ATP1A3: variants seen among roughly 807,000 people sequenced by gnomAD.
ATP1A3 encodes sodium/potassium-transporting ATPase subunit alpha-3.
ATP1A3 carries 12 observed loss-of-function variants against 108.8 expected under a neutral mutation model. The ratio of observed to expected loss-of-function variants is 0.11; its 90% CI spans 0.07 to 0.18. The LOEUF (loss-of-function observed/expected upper bound fraction) is 0.18, where lower values mean the gene tolerates loss of function less well. Among genes scored for constraint, ATP1A3 ranks in the 10% least tolerant of loss-of-function variants. The probability of loss-of-function intolerance (pLI) is 1.00; values close to 1 mark genes in which losing one functional copy is unlikely to be tolerated. For synonymous variants in ATP1A3, 539 were observed against 564.5 expected (o/e 0.95, Z 0.64); for missense variants, 498 against 1,387.7 (o/e 0.36, Z 10.19).
chr19:41,985,247 C>A lies in ATP1A3; in HGVS notation c.724+59G>T, dbSNP rs201811650. 160 of 1,613,880 alleles carry A rather than the reference C, an allele frequency of 9.9e-5. No homozygotes were observed. Among genetic ancestry groups the A allele is most frequent in the Non-Finnish European group, 1.3e-4 (152 of 1,179,944 alleles). On this transcript the variant is annotated intron_variant, in intron 7 of 22. Coordinates refer to ENST00000648268, the MANE Select transcript of ATP1A3 (RefSeq NM_152296.5). This position sits in a 1 kb window ranked among gnomAD's most constrained non-coding sequence, Gnocchi z 8.2. ...CTCAGGGAGGTTCTGGAGGCCTGAC[C>A]CCCTGGGACACATCCCTGTGTCTGC...
Position 41,985,074 on chromosome 19 carries a change from C to T in ATP1A3, c.837G>A (p.Glu279=). Residue 279 remains glutamate, a synonymous_variant, in exon 8 of 23, where the codon GAG becomes GAA. Transcript: ENST00000648268. The surrounding 1 kb of genome is among the most constrained non-coding windows in gnomAD (Gnocchi z 8.2). The part of the protein sequence containing the change: ...VGKTPIAIEI[E]HFIQLITGVA... ...CGCCGGTGATGAGCTGGATGAAGTG[C>T]TCAATCTCGATGGCGATGGGCGTCT... is the stretch of plus-strand genomic sequence containing the variant. The T allele has an allele frequency of 6.2e-7, 1 of 1,613,908 alleles. No homozygotes were observed. Among genetic ancestry groups the T allele is most frequent in the South Asian group, 1.1e-5 (1 of 91,000 alleles).
chr19:41,983,715 A>G (rs1555864269), intron 8 of ATP1A3, among the ~76,000 whole-genome samples: 1 of 148,426 alleles, frequency 6.7e-6, no homozygotes, highest in East Asian at 1.9e-4. Context: ...TCAGCCTCCC[A>G]AATAGCTGGA....
chr19:41,967,601 TA>T lies in ATP1A3; in HGVS notation c.2921+60del. 1.9e-6 allele frequency: 3 copies of T among 1,564,842 alleles called. No individual in the cohort carries two copies. In the South Asian group the frequency reaches 3.4e-5, roughly 18 times the overall value. Reference sequence around the variant, plus strand: ...TGGGGCCTGAGGTTCAGGCTGAGTCTAAGGGAAGGCTCCATGGCAGGCGCTG... The same window carrying T: ...TGGGGCCTGAGGTTCAGGCTGAGTCTAGGGAAGGCTCCATGGCAGGCGCTG... On this transcript the variant is annotated intron_variant, in intron 21 of 22. Transcript: ENST00000648268. The surrounding 1 kb of genome is among the most constrained non-coding windows in gnomAD (Gnocchi z 4.2).
intron 8 of ATP1A3, 140 bp downstream of exon 8, chr19:41,984,778 C>G: frequency 9.6e-7 from 1 of 1,036,474 alleles, no homozygotes. Context: ...CCAGCCCCTC[C>G]TCCCCCAGAC....
intron 1 of ATP1A3, among the ~76,000 whole-genome samples, chr19:41,989,734 C>T (rs1398614018): frequency 6.6e-6 from 1 of 152,004 alleles, no homozygotes; most frequent in African/African-American, 2.4e-5. Context: ...TGCTTTGTTT[C>T]ATCATCTCTC....
At position 41,970,526 on chromosome 19, in the gene ATP1A3, G is replaced by A. The variant is rs2075092282; in HGVS notation, c.2280C>T (p.Asp760=). Residue 760 remains aspartate, a synonymous_variant, in exon 17 of 23, where the codon GAC becomes GAT. Transcript: ENST00000648268. ...TGVEEGRLIF[D]NLKKSIAYTL... ...TGTAGGCAATGGACTTCTTTAGGTT[G>A]TCGAAGATCAGGCGGCCTGTGGCAC... is the stretch of plus-strand genomic sequence containing the variant. 1.9e-6 allele frequency: 3 copies of A among 1,613,908 alleles called. No individual in the cohort carries two copies. The highest frequency in any genetic ancestry group is 2.5e-6 in the Non-Finnish European group (3 of 1,179,922).
intron 1 of ATP1A3, 125 bp downstream of exon 1, chr19:41,993,946 C>T: frequency 6.6e-7 from 1 of 1,526,530 alleles, no homozygotes; most frequent in Non-Finnish European, 8.9e-7. Context: ...TCAGCCGGCT[C>T]CCCGGGTCTC....
In ATP1A3 at chr19:41,974,329, G is replaced by A. The variant is rs144645231; in HGVS notation, c.2263+1300C>T. 6.8e-4 allele frequency among the ~76,000 whole-genome samples: 104 copies of A among 152,284 alleles called. No individual in the cohort carries two copies. In the Middle Eastern group the frequency reaches 0.014, roughly 20 times the overall value. ...GTGATGGTGCATACCTGTAGTCTCA[G>A]CTACTTAGGGGCCTGAGGCAGGAGG... On this transcript the variant is annotated intron_variant, in intron 16 of 22. Coordinates refer to ENST00000648268, the MANE Select transcript of ATP1A3 (RefSeq NM_152296.5).
chr19:41,977,899 G>A (rs782026217), intron 14 of ATP1A3, 37 bp downstream of exon 14: 38 of 1,612,498 alleles, frequency 2.4e-5, no homozygotes, highest in Admixed American at 2.0e-4. Context: ...ACACCCTAGA[G>A]GGATGTCCAG....
chr19:41,988,847 C>T lies in ATP1A3; in HGVS notation c.7-285G>A, dbSNP rs1419788082. Among the ~76,000 whole-genome samples the T allele has an allele frequency of 3.9e-5, 6 of 152,138 alleles. No homozygotes were observed. Among genetic ancestry groups the T allele is most frequent in the Non-Finnish European group, 5.9e-5 (4 of 68,024 alleles). ...CTGTGTGTCTCTGAGTCTCTGTCCC[C>T]GAAGGTCCCTGTCTGGCTTCTGCCT... On this transcript the variant is annotated intron_variant, in intron 1 of 22. Transcript: ENST00000648268. The surrounding 1 kb of genome is among the most constrained non-coding windows in gnomAD (Gnocchi z 5.3).
rs1344534751 is a variant in ATP1A3, at chr19:41,981,147, C to T, written c.1437+355G>A. On this transcript the variant is annotated intron_variant, in intron 11 of 22. Transcript: ENST00000648268. This position sits in a 1 kb window ranked among gnomAD's most constrained non-coding sequence, Gnocchi z 5.0. ...AAATCGCTGAGACCACAGGCACATACCACCACACCTGGCTAATTAAAAAAA... is the reference window on the plus strand; with the variant it reads ...AAATCGCTGAGACCACAGGCACATATCACCACACCTGGCTAATTAAAAAAA... Among the ~76,000 whole-genome samples the T allele has an allele frequency of 6.6e-6, 1 of 151,576 alleles. No homozygotes were observed. Among genetic ancestry groups the T allele is most frequent in the Non-Finnish European group, 1.5e-5 (1 of 67,934 alleles).
At chr19:41,980,803 CT>C (rs2145970071) in intron 11 of ATP1A3, among the ~76,000 whole-genome samples, 1 of 151,908 alleles carries the variant, frequency 6.6e-6, no homozygotes, top group South Asian at 2.1e-4. Flanking sequence ...CCCAGCTATT[CT>C]GGAGGCTGAG....
In ATP1A3 at chr19:41,970,319, G is replaced by A. The variant is rs1555859544; in HGVS notation, c.2419-11C>T. Reference sequence around the variant, plus strand: ...TGAGATGGCAGGGACCTAGGCGGAGGAGGCCGGGTGAGCCGGAGAGGGGAG... The same window carrying A: ...TGAGATGGCAGGGACCTAGGCGGAGAAGGCCGGGTGAGCCGGAGAGGGGAG... On this transcript the variant is annotated splice_polypyrimidine_tract_variant and intron_variant, in intron 17 of 22. Coordinates refer to ENST00000648268, the MANE Select transcript of ATP1A3 (RefSeq NM_152296.5). 1 of 1,614,168 alleles carries A rather than the reference G, an allele frequency of 6.2e-7. No homozygotes were observed. Among genetic ancestry groups the A allele is most frequent in the Admixed American group, 1.7e-5 (1 of 60,028 alleles).
At chr19:41,983,766 A>ATTTTT (rs556483707) in intron 8 of ATP1A3, among the ~76,000 whole-genome samples, 7 of 101,242 alleles carry the variant, frequency 6.9e-5, no homozygotes, top group Admixed American at 1.1e-4. Context: ...ATTTAAAAAA[A>ATTTTT]TTTTTTTTTT....
At position 41,994,110 on chromosome 19, in the gene ATP1A3, C is replaced by G. The variant is rs782079039; in HGVS notation, c.-34G>C. 1.9e-6 allele frequency: 3 copies of G among 1,569,440 alleles called. No homozygotes were observed. ...CTCCGCGGCGAGAGAGCCAGGCGGG[C>G]GGGGCGGGGACCTCGGGGCGGGCTC... On this transcript the variant is annotated 5_prime_UTR_variant, in exon 1 of 23. Transcript: ENST00000648268.
intron 4 of ATP1A3, among the ~76,000 whole-genome samples, chr19:41,987,320 G>C (rs1568866121): frequency 1.3e-5 from 2 of 151,432 alleles, no homozygotes; most frequent in East Asian, 1.9e-4. Context: ...CTGCATTGCT[G>C]TGTGTGTGTG....
chr19:41,980,089 C>A (rs1332183166), intron 11 of ATP1A3, among the ~76,000 whole-genome samples: 1 of 152,260 alleles, frequency 6.6e-6, no homozygotes, highest in East Asian at 1.9e-4. Context: ...CGCCTCTGGG[C>A]CTTTGCACAG....
At position 41,967,236 on chromosome 19, in the gene ATP1A3, C is replaced by A. The variant is rs375421119; in HGVS notation, c.3013+13G>T. The A allele has an allele frequency of 6.2e-7, 1 of 1,614,038 alleles. No individual in the cohort carries two copies. Among genetic ancestry groups the A allele is most frequent in the Non-Finnish European group, 8.5e-7 (1 of 1,179,996 alleles). On this transcript the variant is annotated intron_variant, in intron 22 of 22. Coordinates refer to ENST00000648268, the MANE Select transcript of ATP1A3 (RefSeq NM_152296.5). This position sits in a 1 kb window ranked among gnomAD's most constrained non-coding sequence, Gnocchi z 4.2. ...CCCCCGCCCCCCTCGGCTGCCTTGC[C>A]GAGCTCCCTCACCCCCTGGGTTCCT...
chr19:41,993,651 G>C, intron 1 of ATP1A3: 1 of 656,666 alleles, frequency 1.5e-6, no homozygotes, highest in South Asian at 2.0e-5. Context: ...AAGCAGGGGG[G>C]CCTCAATAAC....
Sources: gnomAD v4.1 joint callset for allele counts (sites outside exome capture counted in the v4.1 genomes callset) on GRCh38, gnomAD v4.1.1 for gene constraint, Gnocchi (gnomAD v3.1) non-coding constraint, MANE v1.5 for transcripts, NCBI Gene and HGNC (gene_info 2026-07-23, HGNC 2026-07-21) for gene names.